MAP3K19: variants seen among roughly 807,000 people sequenced by gnomAD.
The protein encoded by MAP3K19 is SPS1/STE20-related protein kinase YSK4.
In MAP3K19, 91 loss-of-function variants were observed where a neutral mutation model predicts 114.4. The ratio of observed to expected loss-of-function variants is 0.80; its 90% confidence interval spans 0.67 to 0.95. MAP3K19 has a LOEUF of 0.95. Ranked by LOEUF, MAP3K19 falls within the 40% of genes least tolerant of loss-of-function variation. MAP3K19 has a pLI of 0.00. For missense variants in MAP3K19, 1,471 were observed against 1,573.2 expected, an observed-to-expected ratio of 0.94 and a Z score of 1.10; for synonymous variants, 518 against 530.5, an observed-to-expected ratio of 0.98 and a Z score of 0.32.
chr2:135,036,538 T>A (rs989078074), intron 2 of MAP3K19, among the ~76,000 whole-genome samples: 11 of 151,974 alleles, frequency 7.2e-5, no homozygotes, highest in Non-Finnish European at 1.6e-4. Context: ...CTCAGGAGGG[T>A]AAGGTTTGGG....
In MAP3K19 at chr2:134,986,853, A is replaced by C; in HGVS notation, c.2019T>G (p.His673Gln). 6.2e-7 allele frequency: 1 copy of C among 1,614,202 alleles called. No homozygotes were observed. Among genetic ancestry groups the C allele is most frequent in the South Asian group, 1.1e-5 (1 of 91,086 alleles). Residue 673 changes from histidine (H) to glutamine (Q), a missense_variant, in exon 10 of 13, where the codon CAT becomes CAG. Physicochemically the swap from His to Gln is conservative, Grantham distance 24. Coordinates refer to ENST00000392915, the MANE Select transcript of MAP3K19 (RefSeq NM_025052.5). The part of the protein sequence containing the change: ...YEMFGTPVYC[H>Q]VRETERDENT... ...TTTCATCCCTTTCAGTCTCTCGCAC[A>C]TGACAATAAACAGGGGTCCCAAACA...
intron 9 of MAP3K19, chr2:134,991,209 G>A (rs1685548231): frequency 3.6e-6 from 1 of 281,562 alleles, no homozygotes; most frequent in Non-Finnish European, 7.0e-6. Context: ...GCTGAGGCAG[G>A]AGAATGGCGT....
At chr2:135,041,893 G>A (rs1353303188) in intron 1 of MAP3K19, among the ~76,000 whole-genome samples, 2 of 152,114 alleles carry the variant, frequency 1.3e-5, no homozygotes, top group African/African-American at 2.4e-5. Flanking sequence ...AATACCTTCA[G>A]AATTCATGGG....
At chr2:134,997,900 C>CT (rs984967761) in intron 8 of MAP3K19, among the ~76,000 whole-genome samples, 20 of 150,906 alleles carry the variant, frequency 1.3e-4, no homozygotes, top group South Asian at 2.1e-4. Flanking sequence ...AATAATTATT[C>CT]TTTTTTTTCT....
At chr2:135,041,015 G>T (rs1688635338) in intron 1 of MAP3K19, among the ~76,000 whole-genome samples, 1 of 151,926 alleles carries the variant, frequency 6.6e-6, no homozygotes, top group Non-Finnish European at 1.5e-5. Flanking sequence ...TCTACAGAGG[G>T]TTGGCACATT....
intron 12 of MAP3K19, among the ~76,000 whole-genome samples, chr2:134,966,418 GT>G (rs933047533): frequency 3.3e-5 from 5 of 151,510 alleles, no homozygotes; most frequent in East Asian, 1.9e-4. Flanking sequence ...ATTTTTGTGG[GT>G]TTTTTTTAAT....
intron 5 of MAP3K19, among the ~76,000 whole-genome samples, chr2:135,020,351 G>C (rs1054453854): frequency 2.1e-4 from 32 of 152,142 alleles, no homozygotes; most frequent in African/African-American, 5.5e-4. Context: ...ACAGGGTCTT[G>C]CTCTGTCACC....
At chr2:134,966,395 G>A (rs1418505862) in intron 12 of MAP3K19, among the ~76,000 whole-genome samples, 2 of 151,678 alleles carry the variant, frequency 1.3e-5, no homozygotes, top group Non-Finnish European at 2.9e-5. Context: ...ACACATTCTT[G>A]CCAGCATCTG....
chr2:134,980,916 G>A lies in MAP3K19; in HGVS notation c.3825C>T (p.Ala1275=), dbSNP rs769677968. ...CTCGGTGTGCTCCGATGTAAAACATGGCGGCCATCCTGTCCATGGAAGCCA... is the reference window on the plus strand; with the variant it reads ...CTCGGTGTGCTCCGATGTAAAACATAGCGGCCATCCTGTCCATGGAAGCCA... ...PPLASMDRMA[A]MFYIGAHRGL... is the part of the protein sequence containing the mutation. Residue 1275 remains alanine (A), a synonymous_variant, in exon 12 of 13, where the codon GCC becomes GCT. Transcript: ENST00000392915. 6 of 1,614,208 alleles carry A rather than the reference G, an allele frequency of 3.7e-6. No homozygotes were observed. The South Asian group carries it at 5.5e-5, about 15-fold the overall frequency.
intron 1 of MAP3K19, among the ~76,000 whole-genome samples, chr2:135,044,708 A>G (rs764602930): frequency 3.3e-5 from 5 of 152,148 alleles, no homozygotes; most frequent in South Asian, 2.1e-4. Flanking sequence ...TGAGCTCATC[A>G]TTACTCCTTG....
At chr2:135,042,501 C>CAAAAAAAA (rs1168430275) in intron 1 of MAP3K19, among the ~76,000 whole-genome samples, 1 of 58,742 alleles carries the variant, frequency 1.7e-5, no homozygotes, top group Non-Finnish European at 3.9e-5. Context: ...GACTCTGTCT[C>CAAAAAAAA]AAAAAAAAAA....
At chr2:135,030,614 T>C (rs1314196754) in intron 2 of MAP3K19, 114 bp from the exon 3 acceptor site, 1 of 152,358 alleles carries the variant, frequency 6.6e-6, no homozygotes, top group African/African-American at 2.4e-5. Context: ...GGGTAACTGC[T>C]ATTTGCCCTT....
chr2:135,034,824 AGAGGGGGAGGGGGAGGGG>A (rs1177401853), intron 2 of MAP3K19, among the ~76,000 whole-genome samples: 1,544 of 25,520 alleles, frequency 0.061, 125 homozygotes, highest in African/African-American at 0.18. Flanking sequence ...GGCTGTGGGG[AGAGGGGGAGGGGGAGGGG>A]GAGGGGGAGG....
intron 12 of MAP3K19, among the ~76,000 whole-genome samples, chr2:134,965,667 C>T (rs924523979): frequency 3.3e-5 from 5 of 152,094 alleles, no homozygotes; most frequent in Admixed American, 2.6e-4. Flanking sequence ...TTCCCCTACC[C>T]GCTACATTGT....
chr2:134,988,356 G>C (rs1685326690), intron 9 of MAP3K19, 103 bp from the exon 10 acceptor site: 3 of 971,932 alleles, frequency 3.1e-6, no homozygotes, highest in Non-Finnish European at 4.3e-6. Context: ...TCTTAAGGAA[G>C]GCTTTTAAAG....
At chr2:135,041,364 A>G (rs1688643190) in intron 1 of MAP3K19, among the ~76,000 whole-genome samples, 1 of 150,634 alleles carries the variant, frequency 6.6e-6, no homozygotes, top group Admixed American at 6.6e-5. Context: ...ATTTTGAGAT[A>G]GAGTCTCACT....
intron 5 of MAP3K19, among the ~76,000 whole-genome samples, chr2:135,010,683 A>G (rs1460715377): frequency 1.3e-5 from 2 of 152,190 alleles, no homozygotes; most frequent in East Asian, 3.8e-4. Flanking sequence ...GCTGGAATGC[A>G]GCAGCACAAT....
Position 134,991,534 on chromosome 2 carries a change from T to C in MAP3K19, c.618+3A>G. Reference sequence around the variant, plus strand: ...AAGTCAAAAATGCTAGCACTAATCTTACCTTGATGCTTCGGCCACTGTACT... The same window carrying C: ...AAGTCAAAAATGCTAGCACTAATCTCACCTTGATGCTTCGGCCACTGTACT... On this transcript the variant is annotated splice_donor_region_variant and intron_variant, in intron 9 of 12. Transcript: ENST00000392915. The C allele has an allele frequency of 6.2e-7, 1 of 1,613,156 alleles. No individual in the cohort carries two copies.
intron 5 of MAP3K19, among the ~76,000 whole-genome samples, chr2:135,009,296 G>C (rs1687055431): frequency 6.6e-6 from 1 of 152,024 alleles, no homozygotes; most frequent in Non-Finnish European, 1.5e-5. Flanking sequence ...TAATGTAATA[G>C]ATGGAATTGG....
Sources: allele counts gnomAD v4.1 joint callset (sites outside exome capture counted in the v4.1 genomes callset), GRCh38; gene constraint gnomAD v4.1.1; transcripts MANE v1.5; gene names NCBI Gene and HGNC (gene_info 2026-07-23, HGNC 2026-07-21).